SCTR: variants seen among roughly 807,000 people sequenced by gnomAD.
SCTR encodes the protein pancreatic secretin receptor.
SCTR carries 56 observed loss-of-function variants against 60.8 expected under a neutral mutation model. The observed-to-expected ratio is 0.92, with a 90% CI of 0.74 to 1.15. SCTR has a LOEUF of 1.15. Among genes scored for constraint, SCTR ranks in the 50% most tolerant of loss-of-function variants. The pLI is 0.00. For missense variants in SCTR, 562 were observed against 550.4 expected (o/e 1.02, Z -0.21); for synonymous variants, 202 against 217.0 (o/e 0.93, Z 0.61).
intron 1 of SCTR, among the ~76,000 whole-genome samples, chr2:119,499,138 C>T (rs938579259): frequency 2.0e-5 from 3 of 151,840 alleles, no homozygotes; most frequent in Admixed American, 6.6e-5. Flanking sequence ...AGACACATTA[C>T]ATAATGATAA....
chr2:119,492,161 A>G (rs1054008861), intron 2 of SCTR, among the ~76,000 whole-genome samples: 1 of 152,210 alleles, frequency 6.6e-6, no homozygotes, highest in African/African-American at 2.4e-5. Flanking sequence ...TACAGCAGCC[A>G]TTATATGACC....
chr2:119,501,919 A>G (rs1372074050), intron 1 of SCTR, among the ~76,000 whole-genome samples: 1 of 152,168 alleles, frequency 6.6e-6, no homozygotes, highest in Admixed American at 6.5e-5. Context: ...ACACAAACAA[A>G]TTGTATTTCT....
intron 1 of SCTR, among the ~76,000 whole-genome samples, chr2:119,515,508 C>T (rs754050505): frequency 6.6e-6 from 1 of 152,162 alleles, no homozygotes; most frequent in Non-Finnish European, 1.5e-5. Context: ...TGGGCAGGCA[C>T]CATCCAATCG....
intron 7 of SCTR, among the ~76,000 whole-genome samples, chr2:119,457,623 G>A (rs1485847939): frequency 6.6e-6 from 1 of 152,154 alleles, no homozygotes; most frequent in Non-Finnish European, 1.5e-5. Flanking sequence ...TGAGCCAGGA[G>A]GATCGCTTGA....
rs951986905 is a variant in SCTR, at chr2:119,494,912, A to G, written c.73-364T>C. Among the ~76,000 whole-genome samples, 8 of 152,206 alleles carry G rather than the reference A, an allele frequency of 5.3e-5. No individual in the cohort carries two copies. In the East Asian group the frequency reaches 1.4e-3, roughly 26 times the overall value. On this transcript the variant is annotated intron_variant, in intron 1 of 12. Coordinates refer to ENST00000019103, the MANE Select transcript of SCTR (RefSeq NM_002980.3). ...TGAGTGTTTTCTTTTTTGAAAGCTTAGTGTTTTTTGTTTTCTTTGGTCTTG... is the reference window on the plus strand; with the variant it reads ...TGAGTGTTTTCTTTTTTGAAAGCTTGGTGTTTTTTGTTTTCTTTGGTCTTG...
At chr2:119,479,236 T>C in intron 2 of SCTR, 1 of 1,080,666 alleles carries the variant, frequency 9.3e-7, no homozygotes, top group Non-Finnish European at 1.1e-6. Flanking sequence ...CTGGAGCAGA[T>C]GGCACATCTG....
Position 119,448,757 on chromosome 2 carries a change from G to A in SCTR, c.945C>T (p.Asn315=). 2 of 1,597,264 alleles carry A rather than the reference G, an allele frequency of 1.3e-6. No individual in the cohort carries two copies. The highest frequency in any genetic ancestry group is 1.7e-6 in the Non-Finnish European group (2 of 1,164,722). ...SILINFILFI[N]ILRILMRKLR... The stretch of plus-strand genomic sequence containing the variant: ...GTTTTCTCATCAGGATTCTTAGAAT[G>A]TTTATGAAAAGGATGAAATTAATCT... Residue 315 remains asparagine (N), a synonymous_variant, in exon 10 of 13, where the codon AAC becomes AAT. Transcript: ENST00000019103.
intron 10 of SCTR, among the ~76,000 whole-genome samples, chr2:119,447,560 C>T (rs1682980511): frequency 6.6e-6 from 1 of 152,058 alleles, no homozygotes; most frequent in Admixed American, 6.6e-5. Flanking sequence ...CTAATTTGTC[C>T]TGTTTTTGTT....
chr2:119,497,356 A>C (rs1192574199), intron 1 of SCTR, among the ~76,000 whole-genome samples: 1 of 152,190 alleles, frequency 6.6e-6, no homozygotes, highest in Non-Finnish European at 1.5e-5. Context: ...CTCAAAAAAA[A>C]AAAAGCTAAC....
rs764443688 is a variant in SCTR at position 119,461,910 on chromosome 2, G to C, written c.727C>G (p.Leu243Val). ...LLVEGLYLHTLLAISFFSERK... is the reference protein window; with the variant it reads ...LLVEGLYLHTVLAISFFSERK... ...TCAGAGAAGAAGGAGATGGCGAGGA[G>C]TGTGTGAAGGTAGAGGCCTTCCACC... Residue 243 changes from leucine (L) to valine (V), a missense_variant, in exon 7 of 13, where the codon CTC becomes GTC. Leu to Val is a conservative substitution (Grantham distance 32). Coordinates refer to ENST00000019103, the MANE Select transcript of SCTR (RefSeq NM_002980.3). 3.1e-6 allele frequency: 5 copies of C among 1,613,922 alleles called. No individual in the cohort carries two copies. Among genetic ancestry groups the C allele is most frequent in the Non-Finnish European group, 4.2e-6 (5 of 1,179,988 alleles).
intron 1 of SCTR, among the ~76,000 whole-genome samples, chr2:119,523,538 A>G (rs1573941630): frequency 6.6e-6 from 1 of 151,732 alleles, no homozygotes; most frequent in Admixed American, 6.6e-5. Flanking sequence ...ATCCCACACG[A>G]GACGGTGTGG....
At chr2:119,517,636 G>C (rs1180156663) in intron 1 of SCTR, among the ~76,000 whole-genome samples, 1 of 152,170 alleles carries the variant, frequency 6.6e-6, no homozygotes, top group Non-Finnish European at 1.5e-5. Flanking sequence ...TGGCCACCAG[G>C]GGGCAGAGAG....
intron 2 of SCTR, chr2:119,487,410 A>G (rs1677914957): frequency 6.6e-6 from 1 of 152,220 alleles, no homozygotes; most frequent in African/African-American, 2.4e-5. Context: ...AAGAAGGAAA[A>G]TGGGATGTCA....
chr2:119,469,148 G>C lies in SCTR; in HGVS notation c.406-3262C>G, dbSNP rs143410315. Among the ~76,000 whole-genome samples the C allele has an allele frequency of 2.2e-4, 34 of 152,226 alleles. 3 individuals are homozygous for C. Among genetic ancestry groups the C allele is most frequent in the East Asian group, 1.5e-3 (8 of 5,170 alleles). On this transcript the variant is annotated intron_variant, in intron 4 of 12. Transcript: ENST00000019103. ...GTTGCCTTGAATTAATGGTTCCTAG[G>C]CTTTGGGACATCAAAGACCTGTGAA...
chr2:119,446,476 T>C (rs11123526), intron 11 of SCTR, among the ~76,000 whole-genome samples: 135,920 of 152,166 alleles, frequency 0.89, 60,905 homozygotes, highest in African/African-American at 0.96. Flanking sequence ...CATGTATATG[T>C]TATTGAGAGT....
At position 119,524,328 on chromosome 2, in the gene SCTR, G is replaced by C. The variant is rs1573942781; in HGVS notation, c.-102C>G. ...CGCGCAGGGTCCCGGGCTCCGGCCG[G>C]CCGCTGCGCCCCGAGGAGCCATGGC... On this transcript the variant is annotated 5_prime_UTR_variant, in exon 1 of 13. Transcript: ENST00000019103. 30 of 736,932 alleles carry C rather than the reference G, an allele frequency of 4.1e-5. No individual in the cohort carries two copies. The highest frequency in any genetic ancestry group is 5.8e-5 in the Non-Finnish European group (30 of 516,380). 45.6% of individuals were successfully genotyped at this position (736,932 alleles called of 1,614,324 possible).
chr2:119,481,376 C>T (rs1298529747), intron 2 of SCTR, among the ~76,000 whole-genome samples: 1 of 152,194 alleles, frequency 6.6e-6, no homozygotes, highest in Non-Finnish European at 1.5e-5. Context: ...CAGCCTACAT[C>T]AGAATGAGCT....
At chr2:119,473,196 C>T (rs1573851980) in intron 4 of SCTR, among the ~76,000 whole-genome samples, 1 of 152,310 alleles carries the variant, frequency 6.6e-6, no homozygotes, top group East Asian at 1.9e-4. Flanking sequence ...CCCAGTCTCG[C>T]GGTGGTATGC....
chr2:119,459,531 A>AGGGCTTCTCACAGATAGAG (rs1683515300), intron 7 of SCTR, among the ~76,000 whole-genome samples: 2 of 152,138 alleles, frequency 1.3e-5, no homozygotes, highest in Non-Finnish European at 2.9e-5. Context: ...TCGCATGAAA[A>AGGGCTTCTCACAGATAGAG]GGGCTTCTCA....
Sources: gnomAD v4.1 joint callset for allele counts (sites outside exome capture counted in the v4.1 genomes callset) on GRCh38, gnomAD v4.1.1 for gene constraint, MANE v1.5 for transcripts, NCBI Gene and HGNC (gene_info 2026-07-23, HGNC 2026-07-21) for gene names.